Variants in PTPRN2 observed in about 807,000 individuals in gnomAD.
PTPRN2 encodes receptor-type tyrosine-protein phosphatase N2.
Under a neutral mutation model 118.8 loss-of-function variants are expected in PTPRN2, and 74 were observed. The ratio of observed to expected loss-of-function variants is 0.62; its 90% CI spans 0.52 to 0.76. The LOEUF (loss-of-function observed/expected upper bound fraction) is 0.76. Ranked by LOEUF, PTPRN2 falls within the 30% of genes least tolerant of loss-of-function variation. The pLI is 0.00. For missense variants in PTPRN2, 1,481 were observed against 1,394.4 expected, an observed-to-expected ratio of 1.06 and a Z score of -0.99; for synonymous variants, 641 against 608.0, an observed-to-expected ratio of 1.05 and a Z score of -0.80.
chr7:157,746,046 G>A (rs933094334), intron 12 of PTPRN2, among the ~76,000 whole-genome samples: 12 of 134,220 alleles, frequency 8.9e-5, no homozygotes, highest in African/African-American at 3.1e-4. Flanking sequence ...ACAGGGCCCT[G>A]AGTGTGGAGA....
At chr7:157,551,571 A>G in intron 21 of PTPRN2, among the ~76,000 whole-genome samples, 1 of 130,308 alleles carries the variant, frequency 7.7e-6, no homozygotes, top group Non-Finnish European at 1.6e-5. Context: ...CGCACCCCAC[A>G]GCCATCACAC....
chr7:157,878,853 G>A lies in PTPRN2; in HGVS notation c.1788+19820C>T, dbSNP rs371035004. ...CGTGCACCCACACTTACTCACCGAGGAGCTCTCGGATTCCGTGGGGCTGGA... is the reference window on the plus strand; with the variant it reads ...CGTGCACCCACACTTACTCACCGAGAAGCTCTCGGATTCCGTGGGGCTGGA... On this transcript the variant is annotated intron_variant, in intron 12 of 22. Transcript: ENST00000389418. Among the ~76,000 whole-genome samples, 8 of 110,496 alleles carry A rather than the reference G, an allele frequency of 7.2e-5. No homozygotes were observed. In the East Asian group the frequency reaches 1.0e-3, roughly 14 times the overall value. The allele number at this position is 110,496 out of a possible 152,430, so 72.5% of individuals were successfully genotyped here. A position where few individuals can be genotyped will look rare whatever the true frequency, so the allele number is the denominator to read the frequency against.
chr7:158,538,378 G>A lies in PTPRN2; in HGVS notation c.113-48593C>T, dbSNP rs116220097. Among the ~76,000 whole-genome samples the A allele has an allele frequency of 6.6e-3, 1,012 of 152,320 alleles. 13 individuals are homozygous for A. The highest frequency in any genetic ancestry group is 0.023 in the African/African-American group (950 of 41,562). On this transcript the variant is annotated intron_variant, in intron 1 of 22. Transcript: ENST00000389418. ...GCACTGCCCCTCACCCCTGCGCGGCGTGTCCCTCTGGGAATCCACTCGCAG... is the reference window on the plus strand; with the variant it reads ...GCACTGCCCCTCACCCCTGCGCGGCATGTCCCTCTGGGAATCCACTCGCAG...
chr7:158,202,772 G>T (rs1826739264), intron 4 of PTPRN2, among the ~76,000 whole-genome samples: 1 of 152,152 alleles, frequency 6.6e-6, no homozygotes, highest in African/African-American at 2.4e-5. Context: ...TGTAACCATA[G>T]CTAGTGCCAT....
intron 1 of PTPRN2, among the ~76,000 whole-genome samples, chr7:158,586,759 G>A (rs1828947800): frequency 6.6e-6 from 1 of 152,114 alleles, no homozygotes; most frequent in Non-Finnish European, 1.5e-5. Flanking sequence ...TGCCCGCGGG[G>A]GGGTGCGGGG....
chr7:158,410,295 C>G (rs777347586), intron 2 of PTPRN2, among the ~76,000 whole-genome samples: 15 of 152,226 alleles, frequency 9.9e-5, no homozygotes, highest in Non-Finnish European at 2.2e-4. Flanking sequence ...CAGGACACAG[C>G]TGTCATCCCG....
At chr7:158,407,635 G>A (rs1314588022) in intron 2 of PTPRN2, among the ~76,000 whole-genome samples, 3 of 72,690 alleles carry the variant, frequency 4.1e-5, no homozygotes, top group South Asian at 7.8e-4. Flanking sequence ...TGGGTCCTGC[G>A]TCCTGGGTCC....
At chr7:158,518,298 C>T (rs532742495) in intron 1 of PTPRN2, among the ~76,000 whole-genome samples, 18 of 151,704 alleles carry the variant, frequency 1.2e-4, no homozygotes, top group East Asian at 3.9e-4. Flanking sequence ...TTAATAGAGA[C>T]GATACGGATT....
chr7:157,656,476 CGCT>C lies in PTPRN2; in HGVS notation c.2074_2076del (p.Ser692del). On this transcript the variant is annotated inframe_deletion, in exon 14 of 23. Transcript: ENST00000389418. The stretch of plus-strand genomic sequence containing the variant: ...GGCCCGTCGCTGAACTGGGATGAGA[CGCT>C]GCTGATGCGTGACGTGTGCGGGCCC... The C allele has an allele frequency of 6.4e-7, 1 of 1,555,252 alleles. No homozygotes were observed. Among genetic ancestry groups the C allele is most frequent in the Non-Finnish European group, 8.7e-7 (1 of 1,152,642 alleles).
intron 11 of PTPRN2, among the ~76,000 whole-genome samples, chr7:158,070,722 T>TGTGGCGGTGCCCGTGGTG (rs1811258347): frequency 2.3e-5 from 1 of 44,266 alleles, no homozygotes; most frequent in Non-Finnish European, 4.1e-5. Flanking sequence ...GTGCCTGTGG[T>TGTGGCGGTGCCCGTGGTG]GTGGAGGTGC....
At chr7:158,372,300 T>A (rs1330602470) in intron 2 of PTPRN2, among the ~76,000 whole-genome samples, 1 of 133,244 alleles carries the variant, frequency 7.5e-6, no homozygotes, top group Non-Finnish European at 1.6e-5. Context: ...CCGGAGCTGG[T>A]CCCCCCAACG....
At position 157,583,897 on chromosome 7, in the gene PTPRN2, C is replaced by A. The variant is rs868632979; in HGVS notation, c.2497-5757G>T. ...ACTCTGTCTCAAACACACACACACACACACACACACACACACACACACACA... is the reference window on the plus strand; with the variant it reads ...ACTCTGTCTCAAACACACACACACAAACACACACACACACACACACACACA... On this transcript the variant is annotated intron_variant, in intron 17 of 22. Transcript: ENST00000389418. The surrounding 1 kb of genome is among the most constrained non-coding windows in gnomAD (Gnocchi z 5.5). 7.2e-6 allele frequency among the ~76,000 whole-genome samples: 1 copy of A among 138,222 alleles called. No homozygotes were observed. The highest frequency in any genetic ancestry group is 3.3e-5 in the African/African-American group (1 of 30,196). 90.7% of individuals were successfully genotyped at this position (138,222 alleles called of 152,430 possible).
Position 157,861,361 on chromosome 7 carries a change from T to C in PTPRN2, c.1788+37312A>G, listed in dbSNP as rs1338415850. On this transcript the variant is annotated intron_variant, in intron 12 of 22. Coordinates refer to ENST00000389418, the MANE Select transcript of PTPRN2 (RefSeq NM_002847.5). The surrounding 1 kb of genome is among the most constrained non-coding windows in gnomAD (Gnocchi z 5.8). Reference sequence around the variant, plus strand: ...CTGGAGCTCGGCCAAGGAGCCCGGGTCCCTTCAGTCTGCGCTCCCTGCGGT... The same window carrying C: ...CTGGAGCTCGGCCAAGGAGCCCGGGCCCCTTCAGTCTGCGCTCCCTGCGGT... Among the ~76,000 whole-genome samples, 1 of 152,190 alleles carries C rather than the reference T, an allele frequency of 6.6e-6. No homozygotes were observed. Among genetic ancestry groups the C allele is most frequent in the African/African-American group, 2.4e-5 (1 of 41,446 alleles).
intron 1 of PTPRN2, among the ~76,000 whole-genome samples, chr7:158,515,777 A>T (rs1036732636): frequency 9.2e-5 from 14 of 152,102 alleles, no homozygotes; most frequent in African/African-American, 3.4e-4. Flanking sequence ...GTGCCACTGA[A>T]ATACCAGCGT....
At chr7:158,171,324 T>C (rs182248353) in intron 5 of PTPRN2, among the ~76,000 whole-genome samples, 1,394 of 119,172 alleles carry the variant, frequency 0.012, 161 homozygotes, top group African/African-American at 0.046. Flanking sequence ...TATATATATA[T>C]ATATATATAT....
intron 12 of PTPRN2, among the ~76,000 whole-genome samples, chr7:157,695,129 T>A (rs1563354252): frequency 6.6e-6 from 1 of 152,106 alleles, no homozygotes; most frequent in Admixed American, 6.5e-5. Context: ...ATTTTCAATT[T>A]AAGGAACACC....
chr7:158,258,799 T>G (rs763023703), intron 3 of PTPRN2, among the ~76,000 whole-genome samples: 9 of 152,134 alleles, frequency 5.9e-5, no homozygotes, highest in Non-Finnish European at 1.2e-4. Context: ...TGTTAAGCTT[T>G]AGGGAGGAAC....
chr7:158,430,498 G>C (rs532268025), intron 2 of PTPRN2, among the ~76,000 whole-genome samples: 1 of 152,352 alleles, frequency 6.6e-6, no homozygotes, highest in African/African-American at 2.4e-5. Flanking sequence ...GCGGGGCCTC[G>C]CACGGCTCAG....
At chr7:157,760,542 C>T (rs551964377) in intron 12 of PTPRN2, among the ~76,000 whole-genome samples, 1 of 152,082 alleles carries the variant, frequency 6.6e-6, no homozygotes, top group East Asian at 1.9e-4. Context: ...CCCTGTCCTC[C>T]CTCCCATCCT....
Sources: allele counts gnomAD v4.1 joint callset (sites outside exome capture counted in the v4.1 genomes callset), GRCh38; gene constraint gnomAD v4.1.1; non-coding constraint Gnocchi (gnomAD v3.1); transcripts MANE v1.5; gene names NCBI Gene and HGNC (gene_info 2026-07-23, HGNC 2026-07-21).